Variants in OTOGL observed in about 807,000 individuals in gnomAD.
OTOGL encodes the protein otogelin-like protein.
Under a neutral mutation model 318.5 loss-of-function variants are expected in OTOGL, and 285 were observed. The ratio of observed to expected loss-of-function variants is 0.89; its 90% CI spans 0.81 to 0.99. The LOEUF is 0.99. Ranked by LOEUF, OTOGL falls within the 50% of genes least tolerant of loss-of-function variation. The pLI is 0.00. For synonymous variants in OTOGL, 987 were observed against 936.5 expected, an observed-to-expected ratio of 1.05 and a Z score of -0.99; for missense variants, 2,899 against 2,845.6, an observed-to-expected ratio of 1.02 and a Z score of -0.43.
At chr12:80,155,154 G>T (rs1873034649) in intron 1 of OTOGL, among the ~76,000 whole-genome samples, 1 of 152,078 alleles carries the variant, frequency 6.6e-6, no homozygotes. Flanking sequence ...AGTTTTAAGA[G>T]TTCTTTGTAT....
At chr12:80,361,748 A>T (rs1055657842) in intron 52 of OTOGL, among the ~76,000 whole-genome samples, 6 of 152,136 alleles carry the variant, frequency 3.9e-5, no homozygotes, top group Non-Finnish European at 8.8e-5. Context: ...GCATTTTAAA[A>T]TATACTTCTT....
At chr12:80,124,712 C>G (rs374260788) in intron 1 of OTOGL, among the ~76,000 whole-genome samples, 2 of 151,906 alleles carry the variant, frequency 1.3e-5, no homozygotes, top group African/African-American at 2.4e-5. Context: ...CTTTTATTTC[C>G]TTGAGCAGTG....
chr12:80,118,800 A>G (rs1031869435), intron 1 of OTOGL, among the ~76,000 whole-genome samples: 1 of 152,152 alleles, frequency 6.6e-6, no homozygotes, highest in South Asian at 2.1e-4. Flanking sequence ...TCATTTTATC[A>G]AGCATATTCT....
chr12:80,318,658 C>A lies in OTOGL; in HGVS notation c.3747C>A (p.Thr1249=). 6.9e-7 allele frequency: 1 copy of A among 1,446,262 alleles called. No homozygotes were observed. Among genetic ancestry groups the A allele is most frequent in the Non-Finnish European group, 9.1e-7 (1 of 1,096,250 alleles). The allele number at this position is 1,446,262 out of a possible 1,614,324, so 89.6% of individuals were successfully genotyped here. The change falls in exon 33 of 59, where the codon ACC becomes ACA. Residue 1249 remains threonine, a synonymous_variant. Coordinates refer to ENST00000547103, the MANE Select transcript of OTOGL (RefSeq NM_001378609.3). The part of the protein sequence containing the change: ...VFCLPRSSVH[T]SLFFYFMITP... Reference sequence around the variant, plus strand: ...GTTTGCCGAGAAGCAGTGTTCATACCAGTTTATTTTTTTATTTTATGATCA... The same window carrying A: ...GTTTGCCGAGAAGCAGTGTTCATACAAGTTTATTTTTTTATTTTATGATCA...
At chr12:80,125,867 G>C (rs780883664) in intron 1 of OTOGL, among the ~76,000 whole-genome samples, 15 of 152,126 alleles carry the variant, frequency 9.9e-5, no homozygotes, top group Non-Finnish European at 1.6e-4. Context: ...TTTTATTTCT[G>C]TGGGATCGGT....
At chr12:80,274,920 G>T (rs1883684206) in intron 24 of OTOGL, among the ~76,000 whole-genome samples, 1 of 151,982 alleles carries the variant, frequency 6.6e-6, no homozygotes, top group Admixed American at 6.6e-5. Context: ...CCACTGTTGA[G>T]ACCTGATGCC....
intron 2 of OTOGL, among the ~76,000 whole-genome samples, chr12:80,210,636 C>G (rs1022876917): frequency 6.6e-6 from 1 of 152,098 alleles, no homozygotes. Flanking sequence ...CTGTGTAAAT[C>G]CATGTACACT....
intron 1 of OTOGL, among the ~76,000 whole-genome samples, chr12:80,112,586 G>T (rs1174696514): frequency 6.6e-6 from 1 of 152,078 alleles, no homozygotes; most frequent in Non-Finnish European, 1.5e-5. Flanking sequence ...GTATCCCAGG[G>T]GTGAAGCCAA....
intron 1 of OTOGL, among the ~76,000 whole-genome samples, chr12:80,112,294 G>T (rs184614411): frequency 6.2e-4 from 94 of 152,302 alleles, no homozygotes; most frequent in African/African-American, 2.1e-3. Flanking sequence ...AATAGAAGTT[G>T]TGAGAGAGGG....
At chr12:80,311,330 T>C (rs1886621065) in intron 30 of OTOGL, among the ~76,000 whole-genome samples, 1 of 152,214 alleles carries the variant, frequency 6.6e-6, no homozygotes, top group Non-Finnish European at 1.5e-5. Flanking sequence ...AGCTAAGATG[T>C]TGTTTTTCTC....
rs984531050 is a variant in OTOGL at position 80,253,594 on chromosome 12, C to G, written c.1394+20C>G. 1.9e-6 allele frequency: 3 copies of G among 1,559,964 alleles called. No homozygotes were observed. The highest frequency in any genetic ancestry group is 1.8e-6 in the Non-Finnish European group (2 of 1,131,960). The stretch of plus-strand genomic sequence containing the variant: ...TGAATGGTATGTGATCAGTGTGCAG[C>G]CAATTATTTCTGGGTACTTGGCTAG... On this transcript the variant is annotated intron_variant, in intron 14 of 58. Coordinates refer to ENST00000547103, the MANE Select transcript of OTOGL (RefSeq NM_001378609.3).
At position 80,313,579 on chromosome 12, in the gene OTOGL, A is replaced by G. The variant is rs762161276; in HGVS notation, c.3554A>G (p.Tyr1185Cys). Residue 1185 changes from tyrosine to cysteine, a missense_variant, in exon 31 of 59, where the codon TAC becomes TGC. Coordinates refer to ENST00000547103, the MANE Select transcript of OTOGL (RefSeq NM_001378609.3). ...TGCACTAGTATAGCTGCATATGCAT[A>G]CAAGTGTTGTCAGGAAGGAATATCA... The part of the protein sequence containing the change: ...CLCTSIAAYA[Y>C]KCCQEGISIH... 3.9e-5 allele frequency: 63 copies of G among 1,612,998 alleles called. No individual in the cohort carries two copies. Among genetic ancestry groups the G allele is most frequent in the Non-Finnish European group, 5.0e-5 (59 of 1,179,252 alleles).
At chr12:80,178,057 CTTTCTTTTTTTTTTT>C (rs1285638718) in intron 1 of OTOGL, among the ~76,000 whole-genome samples, 1 of 125,418 alleles carries the variant, frequency 8.0e-6, no homozygotes, top group Non-Finnish European at 1.7e-5. Context: ...TTCTTTCTTT[CTTTCTTTTTTTTTTT>C]TTTTTTTTTT....
rs747540124 is a variant in OTOGL, at chr12:80,238,914, C to T, written c.881C>T (p.Thr294Ile). The T allele has an allele frequency of 3.8e-6, 6 of 1,593,626 alleles. No individual in the cohort carries two copies. In the East Asian group the frequency reaches 1.1e-4, roughly 30 times the overall value. ...TGGTCGGTGCAAACTCCAGATGACACCAAATGTGTACTCACACCCTCAGAT... is the reference window on the plus strand; with the variant it reads ...TGGTCGGTGCAAACTCCAGATGACATCAAATGTGTACTCACACCCTCAGAT... The part of the protein sequence containing the change: ...NSWSVQTPDD[T>I]KCVLTPSDFP... Residue 294 changes from threonine (T) to isoleucine (I), a missense_variant, in exon 10 of 59, where the codon ACC becomes ATC. Thr to Ile is a moderately conservative substitution (Grantham distance 89, BLOSUM62 -1). Transcript: ENST00000547103.
intron 35 of OTOGL, among the ~76,000 whole-genome samples, chr12:80,324,923 T>C (rs1887582070): frequency 6.6e-6 from 1 of 152,100 alleles, no homozygotes; most frequent in African/African-American, 2.4e-5. Context: ...GGAGGAAAGG[T>C]CAGGAATTTG....
chr12:80,367,779 C>A lies in OTOGL; in HGVS notation c.6510+40C>A, dbSNP rs556009619. 13 of 1,271,936 alleles carry A rather than the reference C, an allele frequency of 1.0e-5. No homozygotes were observed. The South Asian group carries it at 2.6e-4, about 25-fold the overall frequency. The allele number at this position is 1,271,936 out of a possible 1,614,324, so 78.8% of individuals were successfully genotyped here. A position where few individuals can be genotyped will look rare whatever the true frequency, so the allele number is the denominator to read the frequency against. ...TAATTTATTCTGGTGAGAGTTAATG[C>A]ATTCAAAAATGGCAGAGTTATAGAA... On this transcript the variant is annotated intron_variant, in intron 54 of 58. Coordinates refer to ENST00000547103, the MANE Select transcript of OTOGL (RefSeq NM_001378609.3).
At chr12:80,124,910 G>A (rs9669211) in intron 1 of OTOGL, among the ~76,000 whole-genome samples, 81,405 of 151,986 alleles carry the variant, frequency 0.54, 21,996 homozygotes, top group Middle Eastern at 0.58. Flanking sequence ...CTTTGCTGAA[G>A]TTGCTTATCA....
chr12:80,362,304 A>G (rs1392581010), intron 52 of OTOGL, among the ~76,000 whole-genome samples: 14 of 152,024 alleles, frequency 9.2e-5, no homozygotes, highest in Admixed American at 9.2e-4. Flanking sequence ...TCATGGATTG[A>G]TTTCTGGATT....
intron 42 of OTOGL, among the ~76,000 whole-genome samples, chr12:80,338,232 G>T (rs887039575): frequency 2.0e-5 from 3 of 152,030 alleles, no homozygotes; most frequent in African/African-American, 7.2e-5. Flanking sequence ...GAAATAAAGA[G>T]AAGAGTAACT....
Sources: gnomAD v4.1 joint callset for allele counts (sites outside exome capture counted in the v4.1 genomes callset) on GRCh38, gnomAD v4.1.1 for gene constraint, MANE v1.5 for transcripts, NCBI Gene and HGNC (gene_info 2026-07-23, HGNC 2026-07-21) for gene names.